Variants in CTNNA3 observed in about 807,000 individuals in gnomAD.
CTNNA3 encodes the protein catenin alpha-3.
CTNNA3 carries 76 observed loss-of-function variants against 95.7 expected under a neutral mutation model. The ratio of observed to expected loss-of-function variants is 0.79; its 90% CI spans 0.66 to 0.96. The LOEUF (loss-of-function observed/expected upper bound fraction) is 0.96. Among genes scored for constraint, CTNNA3 ranks in the 40% least tolerant of loss-of-function variants. The probability of loss-of-function intolerance (pLI) is 0.00; values close to 1 mark genes in which losing one functional copy is unlikely to be tolerated. For missense variants in CTNNA3, 1,191 were observed against 1,089.8 expected, an observed-to-expected ratio of 1.09 and a Z score of -1.31; for synonymous variants, 431 against 374.4, an observed-to-expected ratio of 1.15 and a Z score of -1.74.
chr10:67,716,405 G>T (rs1464319836), intron 1 of CTNNA3, among the ~76,000 whole-genome samples: 1 of 152,000 alleles, frequency 6.6e-6, no homozygotes, highest in Admixed American at 6.6e-5. Flanking sequence ...TACGTGCCAT[G>T]GTGGTTTGCT....
chr10:67,237,682 C>T (rs1308998040), intron 5 of CTNNA3, among the ~76,000 whole-genome samples: 1 of 152,120 alleles, frequency 6.6e-6, no homozygotes. Flanking sequence ...CAGGTCACTG[C>T]AGGTGATATG....
intron 13 of CTNNA3, among the ~76,000 whole-genome samples, chr10:66,123,253 AG>A (rs1251451980): frequency 6.6e-6 from 1 of 152,152 alleles, no homozygotes; most frequent in Non-Finnish European, 1.5e-5. Context: ...GCCAAAACGA[AG>A]GGGCTACAGG....
intron 5 of CTNNA3, among the ~76,000 whole-genome samples, chr10:67,291,655 A>G (rs1176988027): frequency 6.6e-6 from 1 of 152,218 alleles, no homozygotes; most frequent in Non-Finnish European, 1.5e-5. Context: ...CTATGTAACC[A>G]TCTACCATAA....
chr10:67,353,928 G>A (rs1842723416), intron 5 of CTNNA3, among the ~76,000 whole-genome samples: 1 of 151,982 alleles, frequency 6.6e-6, no homozygotes, highest in South Asian at 2.1e-4. Flanking sequence ...CTAATGAAGA[G>A]ACCGAACTTC....
intron 9 of CTNNA3, among the ~76,000 whole-genome samples, chr10:66,666,676 T>C (rs748767769): frequency 3.3e-5 from 5 of 152,138 alleles, no homozygotes; most frequent in Non-Finnish European, 7.3e-5. Flanking sequence ...TTAAACACAT[T>C]ATTGTAAGGA....
chr10:66,246,015 T>G (rs547020928), intron 13 of CTNNA3, among the ~76,000 whole-genome samples: 2 of 152,334 alleles, frequency 1.3e-5, no homozygotes, highest in Admixed American at 6.5e-5. Context: ...CACTCTAGTC[T>G]GTGGGACTGG....
At chr10:66,987,457 G>C (rs550137520) in intron 7 of CTNNA3, among the ~76,000 whole-genome samples, 1 of 152,124 alleles carries the variant, frequency 6.6e-6, no homozygotes, top group African/African-American at 2.4e-5. Flanking sequence ...GCTGAGGCTT[G>C]GGGTCTTAGC....
intron 5 of CTNNA3, among the ~76,000 whole-genome samples, chr10:67,356,793 C>T (rs1589210327): frequency 6.6e-6 from 1 of 152,054 alleles, no homozygotes; most frequent in Non-Finnish European, 1.5e-5. Context: ...CCCTGGTGGC[C>T]CTCTCTTCCC....
intron 12 of CTNNA3, among the ~76,000 whole-genome samples, chr10:66,339,138 T>C (rs1320563559): frequency 2.6e-5 from 4 of 151,862 alleles, no homozygotes; most frequent in Admixed American, 6.6e-5. Context: ...AGCTAACACA[T>C]ATGAAACATG....
At chr10:66,575,313 G>T (rs1475594797) in intron 10 of CTNNA3, among the ~76,000 whole-genome samples, 1 of 152,084 alleles carries the variant, frequency 6.6e-6, no homozygotes, top group Non-Finnish European at 1.5e-5. Flanking sequence ...AGTCACAGAG[G>T]TAAGAAATAC....
intron 7 of CTNNA3, among the ~76,000 whole-genome samples, chr10:67,059,112 G>A (rs1230179519): frequency 6.6e-6 from 1 of 152,156 alleles, no homozygotes; most frequent in Non-Finnish European, 1.5e-5. Flanking sequence ...TAATCCTTTA[G>A]TCATAATTAT....
chr10:66,485,195 C>G (rs1035410483), intron 11 of CTNNA3, among the ~76,000 whole-genome samples: 2 of 152,020 alleles, frequency 1.3e-5, no homozygotes, highest in Admixed American at 1.3e-4. Flanking sequence ...ATACTTTTGC[C>G]AATTCTATTA....
At chr10:66,493,017 A>G (rs1438382001) in intron 11 of CTNNA3, among the ~76,000 whole-genome samples, 2 of 152,172 alleles carry the variant, frequency 1.3e-5, no homozygotes, top group Non-Finnish European at 2.9e-5. Flanking sequence ...AAAAGAATTG[A>G]AAACTACTGT....
intron 5 of CTNNA3, among the ~76,000 whole-genome samples, chr10:67,236,196 A>G (rs1267658662): frequency 1.3e-5 from 2 of 150,334 alleles, no homozygotes; most frequent in Non-Finnish European, 2.9e-5. Context: ...ATGCTGCTAT[A>G]AAGACACATG....
At chr10:67,527,330 G>C (rs1382513971) in intron 4 of CTNNA3, among the ~76,000 whole-genome samples, 7 of 152,112 alleles carry the variant, frequency 4.6e-5, no homozygotes, top group Non-Finnish European at 8.8e-5. Flanking sequence ...GTTTACAAAT[G>C]GATAATCCAT....
At chr10:66,631,528 A>G (rs1845134875) in intron 9 of CTNNA3, among the ~76,000 whole-genome samples, 1 of 152,202 alleles carries the variant, frequency 6.6e-6, no homozygotes, top group Non-Finnish European at 1.5e-5. Context: ...ATTTTTAAAA[A>G]GCATTGATGA....
At chr10:65,969,270 A>G (rs1283693350) in intron 16 of CTNNA3, among the ~76,000 whole-genome samples, 1 of 152,194 alleles carries the variant, frequency 6.6e-6, no homozygotes, top group African/African-American at 2.4e-5. Context: ...TAGGGAAAGA[A>G]AAGAAAAATT....
chr10:66,841,448 A>T (rs1843064132), intron 7 of CTNNA3, among the ~76,000 whole-genome samples: 1 of 152,210 alleles, frequency 6.6e-6, no homozygotes, highest in Non-Finnish European at 1.5e-5. Flanking sequence ...ATTCAAATGG[A>T]TGATTGACAA....
chr10:66,282,515 A>G (rs1336805659), intron 12 of CTNNA3, among the ~76,000 whole-genome samples: 1 of 151,746 alleles, frequency 6.6e-6, no homozygotes, highest in African/African-American at 2.4e-5. Context: ...ATACTTCTTT[A>G]TTCCTTACAT....
Sources: gnomAD v4.1 joint callset for allele counts (sites outside exome capture counted in the v4.1 genomes callset) on GRCh38, gnomAD v4.1.1 for gene constraint, MANE v1.5 for transcripts, NCBI Gene and HGNC (gene_info 2026-07-23, HGNC 2026-07-21) for gene names.